Variants in ASAP3 observed in about 807,000 individuals in gnomAD.
ASAP3 encodes the protein arf-GAP with SH3 domain, ANK repeat and PH domain-containing protein 3.
A neutral mutation model predicts 118.2 loss-of-function variants in ASAP3; 85 were observed. That is an observed-to-expected ratio of 0.72 (90% CI 0.60 to 0.86). ASAP3 has a LOEUF of 0.86. Ranked by LOEUF, ASAP3 falls within the 40% of genes least tolerant of loss-of-function variation. The pLI is 0.00. For synonymous variants in ASAP3, 432 were observed against 477.4 expected (o/e 0.90, Z 1.24); for missense variants, 1,026 against 1,175.0 (o/e 0.87, Z 1.85).
rs750796854 is a variant in ASAP3 at position 23,456,149 on chromosome 1, C to T, written c.175G>A (p.Val59Met). ...QAILQRIKKA[V>M]RAIHSSGLGH... ...AGGCCGGAGCTATGGATTGCCCGCA[C>T]AGCCTTCTTTATTCTCTGCAGGATG... Residue 59 changes from valine (V) to methionine (M), a missense_variant, in exon 2 of 25, where the codon GTG (valine) becomes ATG (methionine). Coordinates refer to ENST00000336689, the MANE Select transcript of ASAP3 (RefSeq NM_017707.4). 10 of 1,614,070 alleles carry T rather than the reference C, an allele frequency of 6.2e-6. No homozygotes were observed. Among genetic ancestry groups the T allele is most frequent in the African/African-American group, 1.3e-5 (1 of 74,924 alleles).
chr1:23,458,036 T>C (rs1456093797), intron 1 of ASAP3, among the ~76,000 whole-genome samples: 1 of 152,244 alleles, frequency 6.6e-6, no homozygotes, highest in East Asian at 1.9e-4. Flanking sequence ...CCAGGTGCTT[T>C]TCCTACAGGG....
chr1:23,454,429 G>A (rs370772717), intron 3 of ASAP3, among the ~76,000 whole-genome samples: 2 of 151,980 alleles, frequency 1.3e-5, no homozygotes, highest in African/African-American at 2.4e-5. Flanking sequence ...CAAGTGATCC[G>A]CCCACCTTGG....
At position 23,438,933 on chromosome 1, in the gene ASAP3, T is replaced by C; in HGVS notation, c.1015-99A>G. On this transcript the variant is annotated intron_variant, in intron 11 of 24. Transcript: ENST00000336689. This position sits in a 1 kb window ranked among gnomAD's most constrained non-coding sequence, Gnocchi z 4.9. ...CTCTGTTAAATGGGCATAATCATCC[T>C]GTTCCATTTGTGTTTCTCCTCACCC... 5 of 1,296,740 alleles carry C rather than the reference T, an allele frequency of 3.9e-6. No homozygotes were observed. The highest frequency in any genetic ancestry group is 2.4e-5 in the East Asian group (1 of 42,518). The allele number at this position is 1,296,740 out of a possible 1,614,324, so 80.3% of individuals were successfully genotyped here.
Position 23,434,333 on chromosome 1 carries a change from C to T in ASAP3, c.1872G>A (p.Thr624=), listed in dbSNP as rs377243438. 1.5e-5 allele frequency: 24 copies of T among 1,614,124 alleles called. No individual in the cohort carries two copies. Among genetic ancestry groups the T allele is most frequent in the African/African-American group, 9.3e-5 (7 of 74,990 alleles). ...HLDAKAADGN[T]ALHYAALYNQ... ...TGTAGAGTGCTGCGTAGTGCAGAGC[C>T]GTGTTCCCGTCAGCAGCCTTGGCAT... Residue 624 remains threonine (T), a synonymous_variant, in exon 19 of 25, where the codon ACG becomes ACA. Transcript: ENST00000336689.
intron 3 of ASAP3, among the ~76,000 whole-genome samples, chr1:23,453,724 C>T (rs562386804): frequency 1.3e-5 from 2 of 152,260 alleles, no homozygotes; most frequent in South Asian, 2.1e-4. Context: ...CTACTCCTCC[C>T]GCCTGGTCTA....
intron 23 of ASAP3, 37 bp downstream of exon 23, chr1:23,431,659 G>A: frequency 6.7e-7 from 1 of 1,502,638 alleles, no homozygotes. Context: ...AGAAGTCAGG[G>A]GATTTGCCCT....
chr1:23,460,439 G>A (rs558299428), intron 1 of ASAP3, among the ~76,000 whole-genome samples: 21 of 150,908 alleles, frequency 1.4e-4, no homozygotes, highest in East Asian at 7.8e-4. Context: ...CCTAGGAGGC[G>A]GAGGTTGCAG....
chr1:23,452,592 C>A, intron 4 of ASAP3, 105 bp downstream of exon 4: 2 of 1,256,730 alleles, frequency 1.6e-6, no homozygotes, highest in Non-Finnish European at 2.3e-6. Context: ...GCTAAGACAG[C>A]CCCTTCACCT....
In ASAP3 at chr1:23,442,181, C is replaced by T; in HGVS notation, c.671+5G>A. ...TTAGTGGCAGGGACGCGGGAAGATA[C>T]CTACTTGTGCTGGGCGTGGAAGAAC... On this transcript the variant is annotated splice_donor_5th_base_variant and intron_variant, in intron 7 of 24. Transcript: ENST00000336689. 1 of 1,593,884 alleles carries T rather than the reference C, an allele frequency of 6.3e-7. No homozygotes were observed. The highest frequency in any genetic ancestry group is 8.5e-7 in the Non-Finnish European group (1 of 1,171,096).
chr1:23,436,870 A>T lies in ASAP3; in HGVS notation c.1476+41T>A. On this transcript the variant is annotated intron_variant, in intron 15 of 24. Transcript: ENST00000336689. This position sits in a 1 kb window ranked among gnomAD's most constrained non-coding sequence, Gnocchi z 4.2. Reference sequence around the variant, plus strand: ...GCCCCCGGATGAAACTACACCCCTAACTCCGCTTCTGGCCCCTTCCAGGCC... The same window carrying T: ...GCCCCCGGATGAAACTACACCCCTATCTCCGCTTCTGGCCCCTTCCAGGCC... 6.3e-7 allele frequency: 1 copy of T among 1,594,956 alleles called. No homozygotes were observed. Among genetic ancestry groups the T allele is most frequent in the Non-Finnish European group, 8.5e-7 (1 of 1,170,928 alleles).
intron 1 of ASAP3, among the ~76,000 whole-genome samples, chr1:23,470,518 CCT>C (rs1641926265): frequency 6.6e-6 from 1 of 152,240 alleles, no homozygotes; most frequent in African/African-American, 2.4e-5. Context: ...CAGCCCTGCC[CCT>C]GTCTCGCGGT....
Position 23,433,158 on chromosome 1 carries a change from T to C in ASAP3, c.2242A>G (p.Ser748Gly), listed in dbSNP as rs1640502708. 4 of 1,613,994 alleles carry C rather than the reference T, an allele frequency of 2.5e-6. No homozygotes were observed. The highest frequency in any genetic ancestry group is 3.4e-6 in the Non-Finnish European group (4 of 1,180,026). Residue 748 changes from serine (S) to glycine (G), a missense_variant, in exon 22 of 25, where the codon AGT (serine) becomes GGT (glycine). Coordinates refer to ENST00000336689, the MANE Select transcript of ASAP3 (RefSeq NM_017707.4). ...GGCAAGGGCGGGGGACAGTCCTCAC[T>C]CTCGCCCTGAGGGGTGGCTGCTCCC... ...SLGAATPQGESEDCPPPLPVK... is the reference protein window; with the variant it reads ...SLGAATPQGEGEDCPPPLPVK...
rs771089098 is a variant in ASAP3 at position 23,441,622 on chromosome 1, T to C, written c.747+33A>G. On this transcript the variant is annotated intron_variant, in intron 8 of 24. Transcript: ENST00000336689. ...GATTTTCCTGGAAGGACAGGGGGCTTGATCACGTGCCCAAGGGTGAGACCC... is the reference window on the plus strand; with the variant it reads ...GATTTTCCTGGAAGGACAGGGGGCTCGATCACGTGCCCAAGGGTGAGACCC... The C allele has an allele frequency of 6.8e-6, 11 of 1,612,930 alleles. No individual in the cohort carries two copies. The South Asian group carries it at 1.1e-4, about 16-fold the overall frequency.
At chr1:23,455,279 G>A (rs1197681539) in intron 3 of ASAP3, among the ~76,000 whole-genome samples, 2 of 152,214 alleles carry the variant, frequency 1.3e-5, no homozygotes, top group African/African-American at 2.4e-5. Context: ...AACTGTGCCT[G>A]CACATGGGAA....
chr1:23,439,324 T>C, intron 10 of ASAP3, 94 bp from the exon 11 acceptor site: 4 of 1,098,188 alleles, frequency 3.6e-6, no homozygotes, highest in Non-Finnish European at 5.4e-6. Flanking sequence ...CTGTATGATC[T>C]CTAGCCACAT....
At chr1:23,434,440 A>C in intron 18 of ASAP3, 71 bp from the exon 19 acceptor site, 1 of 1,601,312 alleles carries the variant, frequency 6.2e-7, no homozygotes, top group Non-Finnish European at 8.6e-7. Context: ...CAGGGGAAAA[A>C]GTGGGAGGGG....
chr1:23,441,810 C>G, intron 7 of ASAP3, 80 bp from the exon 8 acceptor site: 4 of 1,471,698 alleles, frequency 2.7e-6, no homozygotes, highest in Non-Finnish European at 3.8e-6. Flanking sequence ...GGAGAAGCTG[C>G]CGTAAGGATC....
intron 1 of ASAP3, among the ~76,000 whole-genome samples, chr1:23,459,921 T>A (rs1471409089): frequency 6.6e-6 from 1 of 152,224 alleles, no homozygotes; most frequent in African/African-American, 2.4e-5. Flanking sequence ...AGATGGCCAC[T>A]TGGCGACCTA....
Position 23,435,517 on chromosome 1 carries a change from C to T in ASAP3, c.1749+334G>A, listed in dbSNP as rs542677049. Among the ~76,000 whole-genome samples, 10 of 152,320 alleles carry T rather than the reference C, an allele frequency of 6.6e-5. No homozygotes were observed. The East Asian group carries it at 1.2e-3, about 18-fold the overall frequency. ...TTTAGGTGAAAGAAAAAGATATTAA[C>T]GTTTATTGCATGCCCATTGTACACT... On this transcript the variant is annotated intron_variant, in intron 17 of 24. Transcript: ENST00000336689.
Sources: allele counts gnomAD v4.1 joint callset (sites outside exome capture counted in the v4.1 genomes callset), GRCh38; gene constraint gnomAD v4.1.1; non-coding constraint Gnocchi (gnomAD v3.1); transcripts MANE v1.5; gene names NCBI Gene and HGNC (gene_info 2026-07-23, HGNC 2026-07-21).